CNTN5: variants seen among roughly 807,000 people sequenced by gnomAD.
CNTN5 encodes the protein contactin-5.
CNTN5 carries 77 observed loss-of-function variants against 129.1 expected under a neutral mutation model. The observed-to-expected ratio is 0.60, with a 90% CI of 0.50 to 0.72. The LOEUF is 0.72. Among genes scored for constraint, CNTN5 ranks in the 30% least tolerant of loss-of-function variants. CNTN5 has a pLI of 0.00. For synonymous variants in CNTN5, 509 were observed against 465.6 expected, an observed-to-expected ratio of 1.09 and a Z score of -1.20; for missense variants, 1,478 against 1,328.8, an observed-to-expected ratio of 1.11 and a Z score of -1.75.
chr11:100,224,641 G>T, intron 15 of CNTN5, 51 bp from the exon 16 acceptor site: 1 of 1,574,198 alleles, frequency 6.4e-7, no homozygotes, highest in South Asian at 1.2e-5. Flanking sequence ...AAGCCACCTT[G>T]AACTAGGCAG....
intron 3 of CNTN5, among the ~76,000 whole-genome samples, chr11:99,591,208 G>T (rs1949968693): frequency 6.6e-6 from 1 of 152,090 alleles, no homozygotes; most frequent in South Asian, 2.1e-4. Context: ...GGTTGGGATA[G>T]CTTTTTCTTG....
At chr11:99,967,071 A>C (rs1951113927) in intron 8 of CNTN5, among the ~76,000 whole-genome samples, 1 of 152,174 alleles carries the variant, frequency 6.6e-6, no homozygotes. Flanking sequence ...TTAGTTTTGA[A>C]GTAATTTGGT....
chr11:99,170,386 T>C (rs1591307615), intron 1 of CNTN5, among the ~76,000 whole-genome samples: 1 of 152,148 alleles, frequency 6.6e-6, no homozygotes, highest in Non-Finnish European at 1.5e-5. Flanking sequence ...TTATGACAGG[T>C]GGGTCTAATC....
At chr11:99,144,710 A>C (rs1018922247) in intron 1 of CNTN5, among the ~76,000 whole-genome samples, 3 of 151,444 alleles carry the variant, frequency 2.0e-5, no homozygotes, top group Admixed American at 6.6e-5. Context: ...TTATTGTTGA[A>C]GCTTATTATA....
chr11:100,014,615 C>A (rs1227876346), intron 9 of CNTN5, among the ~76,000 whole-genome samples: 1 of 151,976 alleles, frequency 6.6e-6, no homozygotes, highest in African/African-American at 2.4e-5. Context: ...ATTAAAAATA[C>A]ATAGATTTTT....
chr11:99,991,708 A>G (rs1463142437), intron 8 of CNTN5, among the ~76,000 whole-genome samples: 1 of 151,902 alleles, frequency 6.6e-6, no homozygotes, highest in African/African-American at 2.4e-5. Flanking sequence ...ACTTCCCTCC[A>G]TGTAGTGGAA....
chr11:99,984,766 C>T (rs1015349010), intron 8 of CNTN5, among the ~76,000 whole-genome samples: 3 of 152,088 alleles, frequency 2.0e-5, no homozygotes, highest in African/African-American at 7.2e-5. Flanking sequence ...TGGAATGTTG[C>T]ATGCATAAAT....
chr11:99,712,068 C>T (rs569460430), intron 3 of CNTN5, among the ~76,000 whole-genome samples: 2 of 152,238 alleles, frequency 1.3e-5, no homozygotes, highest in East Asian at 3.9e-4. Context: ...CTGTCTTCCA[C>T]AATGGTTGAA....
At chr11:99,921,497 T>C (rs1949937915) in intron 7 of CNTN5, among the ~76,000 whole-genome samples, 1 of 152,222 alleles carries the variant, frequency 6.6e-6, no homozygotes, top group Non-Finnish European at 1.5e-5. Context: ...CCTCTTTTGA[T>C]TTCTACTCCA....
intron 2 of CNTN5, among the ~76,000 whole-genome samples, chr11:99,515,205 G>A (rs1373916970): frequency 6.6e-6 from 1 of 152,050 alleles, no homozygotes; most frequent in Admixed American, 6.6e-5. Context: ...GCAGCGAAGA[G>A]AGATTAACAC....
intron 18 of CNTN5, among the ~76,000 whole-genome samples, chr11:100,285,908 G>A (rs1048531888): frequency 1.9e-4 from 29 of 152,322 alleles, no homozygotes; most frequent in South Asian, 4.1e-4. Flanking sequence ...CGCACCGTGC[G>A]CGAGCCGAAG....
At chr11:99,942,454 CTG>C (rs1950460930) in intron 7 of CNTN5, among the ~76,000 whole-genome samples, 1 of 151,960 alleles carries the variant, frequency 6.6e-6, no homozygotes, top group Non-Finnish European at 1.5e-5. Flanking sequence ...TGTAAGCAAA[CTG>C]GTGCACGAGT....
intron 9 of CNTN5, among the ~76,000 whole-genome samples, chr11:100,005,919 A>AT (rs1565781182): frequency 6.6e-6 from 1 of 151,826 alleles, no homozygotes; most frequent in African/African-American, 2.4e-5. Context: ...ATAAATCACT[A>AT]TTTTTTATCA....
At chr11:99,777,697 G>T (rs1239231009) in intron 3 of CNTN5, among the ~76,000 whole-genome samples, 1 of 151,738 alleles carries the variant, frequency 6.6e-6, no homozygotes, top group African/African-American at 2.4e-5. Context: ...TATTTTTTGA[G>T]TGCTCCGCAA....
chr11:100,230,234 A>G (rs1195581960), intron 16 of CNTN5, among the ~76,000 whole-genome samples: 3 of 152,166 alleles, frequency 2.0e-5, no homozygotes, highest in African/African-American at 7.2e-5. Flanking sequence ...CATTCACGCT[A>G]TCTCTTATTG....
At chr11:99,342,283 G>A (rs2136058297) in intron 2 of CNTN5, among the ~76,000 whole-genome samples, 1 of 152,060 alleles carries the variant, frequency 6.6e-6, no homozygotes, top group South Asian at 2.1e-4. Context: ...TTGATTCAGA[G>A]ACAACTGTGT....
intron 18 of CNTN5, among the ~76,000 whole-genome samples, chr11:100,294,550 T>C (rs573534821): frequency 1.3e-5 from 2 of 151,818 alleles, no homozygotes; most frequent in South Asian, 4.1e-4. Flanking sequence ...ATAAACTTGA[T>C]TCTCTAAGCT....
At chr11:99,837,038 T>G (rs1947329613) in intron 4 of CNTN5, among the ~76,000 whole-genome samples, 1 of 152,150 alleles carries the variant, frequency 6.6e-6, no homozygotes, top group African/African-American at 2.4e-5. Flanking sequence ...GCCTGTTTTA[T>G]CAGCAAGGTC....
In CNTN5 at chr11:99,889,291, GGTGTGTGTGTGTGTGTGTGTGTGTGTGT is replaced by G. The variant is rs71050029; in HGVS notation, c.578-26724_578-26697del. ...CATTCTGGTTCCTTTCTCCAGAGCAGGTGTGTGTGTGTGTGTGTGTGTGTGTGTGTGTGTGTGTGTGTGTGTGTGTGTG... is the reference window on the plus strand; with the variant it reads ...CATTCTGGTTCCTTTCTCCAGAGCAGGTGTGTGTGTGTGTGTGTGTGTGTG... On this transcript the variant is annotated intron_variant, in intron 6 of 24. Transcript: ENST00000524871. 3.3e-3 allele frequency among the ~76,000 whole-genome samples: 110 copies of G among 33,214 alleles called. 1 individual carries two copies. The highest frequency in any genetic ancestry group is 0.011 in the South Asian group (22 of 1,962). The allele number at this position is 33,214 out of a possible 152,430, so 21.8% of individuals were successfully genotyped here.
Sources: allele counts gnomAD v4.1 joint callset (sites outside exome capture counted in the v4.1 genomes callset), GRCh38; gene constraint gnomAD v4.1.1; transcripts MANE v1.5; gene names NCBI Gene and HGNC (gene_info 2026-07-23, HGNC 2026-07-21).